Variants in NR6A1 observed in about 807,000 individuals in gnomAD.
NR6A1 encodes retinoic acid receptor-related testis-associated receptor.
Under a neutral mutation model 59.1 loss-of-function variants are expected in NR6A1, and 7 were observed. The observed-to-expected ratio is 0.12, with a 90% CI of 0.07 to 0.22. The LOEUF (loss-of-function observed/expected upper bound fraction) is 0.22. Ranked by LOEUF, NR6A1 falls within the 10% of genes least tolerant of loss-of-function variation. The pLI, the probability that NR6A1 is intolerant of heterozygous loss-of-function variation, is 1.00. For missense variants in NR6A1, 468 were observed against 611.6 expected, an observed-to-expected ratio of 0.77 and a Z score of 2.48; for synonymous variants, 243 against 236.1, an observed-to-expected ratio of 1.03 and a Z score of -0.27.
At chr9:124,724,854 G>A (rs1369867829) in intron 2 of NR6A1, among the ~76,000 whole-genome samples, 2 of 152,150 alleles carry the variant, frequency 1.3e-5, no homozygotes, top group Non-Finnish European at 2.9e-5. Flanking sequence ...AGGCATGAAA[G>A]GAATTAATAA....
chr9:124,595,160 A>G (rs992776568), intron 2 of NR6A1, among the ~76,000 whole-genome samples: 3 of 152,234 alleles, frequency 2.0e-5, no homozygotes, highest in Non-Finnish European at 4.4e-5. Context: ...AAGTTATAAC[A>G]CTAGTGACTA....
At chr9:124,645,180 C>T (rs1186261049) in intron 2 of NR6A1, among the ~76,000 whole-genome samples, 1 of 151,910 alleles carries the variant, frequency 6.6e-6, no homozygotes, top group African/African-American at 2.4e-5. Context: ...ATAAAATGCT[C>T]AATTAAAACC....
chr9:124,692,383 G>GCAT, intron 2 of NR6A1: 1 of 451,310 alleles, frequency 2.2e-6, no homozygotes, highest in South Asian at 1.7e-5. Context: ...GAATGTAAGA[G>GCAT]CATCCATCAG....
At chr9:124,713,714 G>A (rs1839343872) in intron 2 of NR6A1, among the ~76,000 whole-genome samples, 1 of 152,186 alleles carries the variant, frequency 6.6e-6, no homozygotes, top group African/African-American at 2.4e-5. Flanking sequence ...ACCATTAGGA[G>A]AGCTACTATC....
chr9:124,661,498 G>A (rs1837432314), intron 2 of NR6A1, among the ~76,000 whole-genome samples: 1 of 152,158 alleles, frequency 6.6e-6, no homozygotes, highest in African/African-American at 2.4e-5. Context: ...ACACAAGTTC[G>A]AAATGATATC....
intron 3 of NR6A1, among the ~76,000 whole-genome samples, chr9:124,546,093 C>A (rs1156246408): frequency 1.3e-5 from 2 of 152,178 alleles, no homozygotes; most frequent in Admixed American, 6.5e-5. Context: ...CCAGCCTGGG[C>A]AACAAGAGCA....
intron 3 of NR6A1, among the ~76,000 whole-genome samples, chr9:124,549,297 G>A (rs1248548581): frequency 6.6e-6 from 1 of 152,204 alleles, no homozygotes; most frequent in African/African-American, 2.4e-5. Context: ...AACATCACTG[G>A]GTTTTTGAAG....
chr9:124,538,397 CT>C, intron 5 of NR6A1, 78 bp from the exon 6 acceptor site: 2 of 1,095,170 alleles, frequency 1.8e-6, no homozygotes, highest in Non-Finnish European at 2.7e-6. Flanking sequence ...CAGAAGGTGA[CT>C]TTAGGTATTC....
chr9:124,527,476 G>T (rs141144128), intron 7 of NR6A1, among the ~76,000 whole-genome samples: 1 of 152,328 alleles, frequency 6.6e-6, no homozygotes, highest in Non-Finnish European at 1.5e-5. Flanking sequence ...GGAGGAAAAC[G>T]TTAACTGAGT....
intron 2 of NR6A1, among the ~76,000 whole-genome samples, chr9:124,708,060 C>T (rs2131064919): frequency 6.6e-6 from 1 of 152,252 alleles, no homozygotes; most frequent in East Asian, 1.9e-4. Context: ...ATTCGGAGAG[C>T]TTATCAAGCC....
chr9:124,634,132 C>T (rs1015283317), intron 2 of NR6A1, among the ~76,000 whole-genome samples: 3 of 152,084 alleles, frequency 2.0e-5, no homozygotes, highest in African/African-American at 7.2e-5. Flanking sequence ...GTAAACGCTA[C>T]ACAATATTTT....
chr9:124,712,454 C>G (rs143478421), intron 2 of NR6A1, among the ~76,000 whole-genome samples: 1 of 151,992 alleles, frequency 6.6e-6, no homozygotes, highest in East Asian at 1.9e-4. Context: ...ACTAAAAATA[C>G]AAAAATTAGC....
chr9:124,694,590 T>G (rs1838681644), intron 2 of NR6A1, among the ~76,000 whole-genome samples: 1 of 152,130 alleles, frequency 6.6e-6, no homozygotes, highest in Admixed American at 6.5e-5. Context: ...AACAAAAAAT[T>G]TAAATGTAGT....
chr9:124,574,670 T>C (rs1249576838), intron 2 of NR6A1, among the ~76,000 whole-genome samples: 2 of 152,204 alleles, frequency 1.3e-5, no homozygotes, highest in Non-Finnish European at 2.9e-5. Flanking sequence ...CTGATTTATA[T>C]ATCATTTCCC....
intron 2 of NR6A1, among the ~76,000 whole-genome samples, chr9:124,574,344 T>C (rs1279997597): frequency 6.6e-6 from 1 of 152,204 alleles, no homozygotes; most frequent in Non-Finnish European, 1.5e-5. Flanking sequence ...CAGGAGGTAG[T>C]AGAAAGAATA....
intron 2 of NR6A1, among the ~76,000 whole-genome samples, chr9:124,557,441 T>C (rs1478444338): frequency 1.3e-5 from 2 of 152,180 alleles, no homozygotes; most frequent in Non-Finnish European, 2.9e-5. Context: ...CCAATCCTCC[T>C]TCTTTTCTTT....
intron 2 of NR6A1, among the ~76,000 whole-genome samples, chr9:124,601,063 G>A (rs777525581): frequency 6.6e-6 from 1 of 151,110 alleles, no homozygotes; most frequent in Non-Finnish European, 1.5e-5. Flanking sequence ...ATTACCTGAG[G>A]TCAGAAGTTC....
chr9:124,688,390 G>A (rs1838412102), intron 2 of NR6A1, among the ~76,000 whole-genome samples: 1 of 151,934 alleles, frequency 6.6e-6, no homozygotes, highest in South Asian at 2.1e-4. Flanking sequence ...TTATTGTACC[G>A]TACTCACCTA....
At chr9:124,683,583 C>T (rs10986393) in intron 2 of NR6A1, among the ~76,000 whole-genome samples, 59,667 of 152,096 alleles carry the variant, frequency 0.39, 14,263 homozygotes, top group Admixed American at 0.56. Flanking sequence ...CACCTGAGGT[C>T]AGGAGTTCAA....
Sources: gnomAD v4.1 joint callset for allele counts (sites outside exome capture counted in the v4.1 genomes callset) on GRCh38, gnomAD v4.1.1 for gene constraint, MANE v1.5 for transcripts, NCBI Gene and HGNC (gene_info 2026-07-23, HGNC 2026-07-21) for gene names.